Variants in ATP2C2 observed in about 807,000 individuals in gnomAD.
ATP2C2 encodes the protein calcium-transporting ATPase type 2C member 2.
In ATP2C2, 171 loss-of-function variants were observed where a neutral mutation model predicts 110.8. The observed-to-expected ratio is 1.54, with a 90% CI of 1.36 to 1.75. The LOEUF (loss-of-function observed/expected upper bound fraction) is 1.75, where lower values mean the gene tolerates loss of function less well. Among genes scored for constraint, ATP2C2 ranks in the 40% most tolerant of loss-of-function variants. The pLI, the probability that ATP2C2 is intolerant of heterozygous loss-of-function variation, is 0.00. For missense variants in ATP2C2, 1,963 were observed against 1,235.0 expected, an observed-to-expected ratio of 1.59 and a Z score of -8.84; for synonymous variants, 804 against 508.4, an observed-to-expected ratio of 1.58 and a Z score of -7.82.
Position 84,454,964 on chromosome 16 carries a change from T to G in ATP2C2, c.2127T>G (p.Asp709Glu), listed in dbSNP as rs1365047749. The G allele has an allele frequency of 1.9e-6, 3 of 1,613,596 alleles. No individual in the cohort carries two copies. Among genetic ancestry groups the G allele is most frequent in the African/African-American group, 2.7e-5 (2 of 74,898 alleles). Residue 709 changes from aspartate (D) to glutamate (E), a missense_variant, in exon 21 of 27, where the codon GAT (aspartate) becomes GAG (glutamate). By Grantham distance (45) the Asp-to-Glu change is conservative (BLOSUM62 2). Transcript: ENST00000262429. Reference protein sequence around the residue: ...SKEAANMILVDDDFSAIMNAV... With the variant: ...SKEAANMILVEDDFSAIMNAV... ...AGGCCGCCAACATGATCCTGGTGGA[T>G]GATGACTTCTCAGCCATCATGTAAG...
rs1910725090 is a variant in ATP2C2, at chr16:84,383,751, A to ATGTGTGTGTGTGTGTGTGTGTG, written c.100-14739_100-14738insGTGTGTGTGTGTGTGTGTGTGT. ...TGAATACATCTGTGTGTGTGTGTGTATGTGTGTGTTGGGGGTGGGGGTGTT... is the reference window on the plus strand; with the variant it reads ...TGAATACATCTGTGTGTGTGTGTGTATGTGTGTGTGTGTGTGTGTGTGTGTGTGTGTTGGGGGTGGGGGTGTT... On this transcript the variant is annotated intron_variant, in intron 1 of 26. Transcript: ENST00000262429. Among the ~76,000 whole-genome samples the ATGTGTGTGTGTGTGTGTGTGTG allele has an allele frequency of 2.2e-5, 3 of 134,056 alleles. No homozygotes were observed. In the South Asian group the frequency reaches 7.5e-4, roughly 34 times the overall value. 87.9% of individuals were successfully genotyped at this position (134,056 alleles called of 152,430 possible).
intron 6 of ATP2C2, among the ~76,000 whole-genome samples, chr16:84,412,748 G>C (rs1906487948): frequency 6.6e-6 from 1 of 152,084 alleles, no homozygotes; most frequent in African/African-American, 2.4e-5. Flanking sequence ...TTGAGGTCCT[G>C]TCAGGCTGAT....
chr16:84,446,070 C>A (rs981722198), intron 15 of ATP2C2, among the ~76,000 whole-genome samples: 2 of 152,094 alleles, frequency 1.3e-5, no homozygotes, highest in African/African-American at 4.8e-5. Flanking sequence ...AGAAACACTG[C>A]AGGTTTGTTT....
chr16:84,400,329 G>GTTTTTTTTT (rs112134569), intron 2 of ATP2C2, among the ~76,000 whole-genome samples: 1 of 136,414 alleles, frequency 7.3e-6, no homozygotes, highest in African/African-American at 2.7e-5. Flanking sequence ...TTAGTTTTTT[G>GTTTTTTTTT]TTGTTTTTTT....
At chr16:84,386,524 G>A (rs1481182761) in intron 1 of ATP2C2, among the ~76,000 whole-genome samples, 18 of 152,276 alleles carry the variant, frequency 1.2e-4, no homozygotes, top group Non-Finnish European at 2.5e-4. Context: ...CTCTTGGCCC[G>A]AATGCACTGG....
At chr16:84,375,553 A>AAG (rs1555550623) in intron 1 of ATP2C2, among the ~76,000 whole-genome samples, 86 of 151,716 alleles carry the variant, frequency 5.7e-4, no homozygotes, top group Admixed American at 1.3e-3. Context: ...AAAAAAAAAA[A>AAG]AAAGAAAGAA....
At chr16:84,392,221 C>A (rs1357420378) in intron 1 of ATP2C2, among the ~76,000 whole-genome samples, 1 of 152,166 alleles carries the variant, frequency 6.6e-6, no homozygotes, top group Non-Finnish European at 1.5e-5. Context: ...CCTAGCATTT[C>A]ATCTATAAAT....
At chr16:84,441,085 G>C (rs1264402793) in intron 14 of ATP2C2, 127 bp downstream of exon 14, 1 of 806,416 alleles carries the variant, frequency 1.2e-6, no homozygotes, top group Non-Finnish European at 2.1e-6. Flanking sequence ...CCAGGGGTGA[G>C]GCTGGCACAG....
intron 11 of ATP2C2, among the ~76,000 whole-genome samples, chr16:84,429,670 G>C (rs1371834649): frequency 1.3e-5 from 2 of 152,158 alleles, no homozygotes; most frequent in African/African-American, 4.8e-5. Flanking sequence ...TAGAGGAAGA[G>C]AGCTGGGAAG....
At chr16:84,402,610 G>A (rs2326257) in intron 2 of ATP2C2, among the ~76,000 whole-genome samples, 55,986 of 151,950 alleles carry the variant, frequency 0.37, 11,576 homozygotes, top group South Asian at 0.59. Flanking sequence ...ATTTGTGTAT[G>A]GTGAACCATC....
intron 6 of ATP2C2, 64 bp from the exon 7 acceptor site, chr16:84,415,419 T>C (rs1906742866): frequency 1.5e-6 from 2 of 1,299,378 alleles, no homozygotes; most frequent in Admixed American, 3.4e-5. Context: ...TGTTCAAATG[T>C]ATCAAGGTGC....
chr16:84,409,826 T>C (rs1221257239), intron 4 of ATP2C2, among the ~76,000 whole-genome samples: 1 of 152,144 alleles, frequency 6.6e-6, no homozygotes, highest in South Asian at 2.1e-4. Context: ...ATGGCTGTCA[T>C]TCCCCACTTC....
intron 16 of ATP2C2, among the ~76,000 whole-genome samples, chr16:84,447,973 G>A (rs909650400): frequency 2.4e-4 from 36 of 151,806 alleles, no homozygotes; most frequent in Non-Finnish European, 5.0e-4. Context: ...GTCCGGTATT[G>A]AGGCTAGGGG....
At chr16:84,419,772 G>C (rs1907164668) in intron 7 of ATP2C2, among the ~76,000 whole-genome samples, 1 of 152,170 alleles carries the variant, frequency 6.6e-6, no homozygotes, top group Non-Finnish European at 1.5e-5. Flanking sequence ...AGCAGACCTG[G>C]TCCCTGTGCT....
chr16:84,408,338 A>G (rs1905960008), intron 3 of ATP2C2, 67 bp from the exon 4 acceptor site: 2 of 1,471,034 alleles, frequency 1.4e-6, no homozygotes, highest in Admixed American at 1.7e-5. Flanking sequence ...AAACTTCTGC[A>G]CAGTAAGAAA....
At chr16:84,459,457 C>A (rs1331215441) in intron 23 of ATP2C2, 71 bp downstream of exon 23, 8 of 1,603,070 alleles carry the variant, frequency 5.0e-6, no homozygotes, top group Non-Finnish European at 6.8e-6. Flanking sequence ...GGGCTGCTGG[C>A]TGTGCCCCAA....
At chr16:84,405,032 A>G (rs763368881) in intron 2 of ATP2C2, 96 bp from the exon 3 acceptor site, 2 of 1,038,906 alleles carry the variant, frequency 1.9e-6, no homozygotes, top group Non-Finnish European at 3.0e-6. Context: ...CTGGCCCATC[A>G]TGGAAGCCGC....
intron 2 of ATP2C2, among the ~76,000 whole-genome samples, chr16:84,400,381 C>T (rs930478800): frequency 1.0e-4 from 15 of 147,990 alleles, no homozygotes; most frequent in Admixed American, 2.0e-4. Flanking sequence ...AGCTGGAGTG[C>T]GGTGGCGCGA....
Position 84,422,643 on chromosome 16 carries a change from A to T in ATP2C2, c.789A>T (p.Gly263=), listed in dbSNP as rs1258093214. Residue 263 remains glycine, a synonymous_variant, in exon 9 of 27, where the codon GGA becomes GGT. Transcript: ENST00000262429. The part of the protein sequence containing the change: ...QYGRGQGVVI[G]TGESSQFGEV... ...CCTGGACACAGGGGGTCGTGATTGG[A>T]ACAGGGGAAAGCTCTCAGTTCGGAG... is the stretch of plus-strand genomic sequence containing the variant. The T allele has an allele frequency of 1.2e-6, 2 of 1,613,448 alleles. No individual in the cohort carries two copies. The highest frequency in any genetic ancestry group is 1.7e-5 in the Admixed American group (1 of 59,884).
Sources: allele counts gnomAD v4.1 joint callset (sites outside exome capture counted in the v4.1 genomes callset), GRCh38; gene constraint gnomAD v4.1.1; transcripts MANE v1.5; gene names NCBI Gene and HGNC (gene_info 2026-07-23, HGNC 2026-07-21).